Variants in UTS2B observed in about 807,000 individuals in gnomAD.
UTS2B encodes urotensin 2B.
A neutral mutation model predicts 19.2 loss-of-function variants in UTS2B; 21 were observed. That is an observed-to-expected ratio of 1.09 (90% CI 0.78 to 1.58). The LOEUF is 1.58. UTS2B is among the 40% of genes most tolerant of loss of function. The pLI is 0.00. For synonymous variants in UTS2B, 57 were observed against 50.2 expected (o/e 1.14, Z -0.58); for missense variants, 138 against 130.3 (o/e 1.06, Z -0.29).
At chr3:191,305,789 A>G (rs1220667309) in intron 3 of UTS2B, among the ~76,000 whole-genome samples, 1 of 152,006 alleles carries the variant, frequency 6.6e-6, no homozygotes. Flanking sequence ...GGGTTTTTAT[A>G]GTTTTGAGTT....
intron 4 of UTS2B, 56 bp from the exon 5 acceptor site, chr3:191,282,369 A>G (rs1308861031): frequency 1.7e-5 from 9 of 541,124 alleles, no homozygotes; most frequent in Non-Finnish European, 2.3e-5. Flanking sequence ...AATGCAATCA[A>G]GTAGTTAACA....
At chr3:191,273,339 A>C in intron 8 of UTS2B, 1 of 390,838 alleles carries the variant, frequency 2.6e-6, no homozygotes, top group Non-Finnish European at 5.2e-6. Context: ...ACTATGATAG[A>C]GGCAGTGCTC....
At chr3:191,307,812 T>A (rs1053275809) in intron 3 of UTS2B, among the ~76,000 whole-genome samples, 1 of 138,376 alleles carries the variant, frequency 7.2e-6, no homozygotes, top group Non-Finnish European at 1.6e-5. Flanking sequence ...TTCTTTTTTC[T>A]TTTCTTTTCT....
In UTS2B at chr3:191,267,322, G is replaced by A. The variant is rs1715960965; in HGVS notation, c.*1094C>T. 1 of 152,202 alleles carries A rather than the reference G, an allele frequency of 6.6e-6. No individual in the cohort carries two copies. The highest frequency in any genetic ancestry group is 1.5e-5 in the Non-Finnish European group (1 of 68,042). 9.4% of individuals were successfully genotyped at this position (152,202 alleles called of 1,614,324 possible). Reference sequence around the variant, plus strand: ...TTTTGATAGTGACATACCTTCAAAAGTGCAACTGATTAGTGATTATTCACA... The same window carrying A: ...TTTTGATAGTGACATACCTTCAAAAATGCAACTGATTAGTGATTATTCACA... On this transcript the variant is annotated 3_prime_UTR_variant, in exon 9 of 9. Coordinates refer to ENST00000340524, the MANE Select transcript of UTS2B (RefSeq NM_198152.5).
intron 1 of UTS2B, among the ~76,000 whole-genome samples, chr3:191,330,152 G>A (rs1717917798): frequency 6.6e-6 from 1 of 151,948 alleles, no homozygotes; most frequent in Non-Finnish European, 1.5e-5. Flanking sequence ...TTTGAAACAT[G>A]ACTCTTTCCC....
intron 1 of UTS2B, chr3:191,329,341 G>A: frequency 3.5e-6 from 1 of 287,802 alleles, no homozygotes; most frequent in East Asian, 7.0e-5. Context: ...CCCCCAGCCG[G>A]CCCGCCCGCC....
Position 191,329,734 on chromosome 3 carries a change from C to G in UTS2B, c.-665+680G>C, listed in dbSNP as rs1198232712. 3.7e-6 allele frequency: 6 copies of G among 1,608,112 alleles called. No individual in the cohort carries two copies. Among genetic ancestry groups the G allele is most frequent in the African/African-American group, 1.3e-5 (1 of 74,934 alleles). ...CTGGAGTCAAGGAAGGTAAGGGCCC[C>G]GGAGGGAGAGCGCGCGGGACCCTCC... On this transcript the variant is annotated intron_variant, in intron 1 of 8. Coordinates refer to ENST00000340524, the MANE Select transcript of UTS2B (RefSeq NM_198152.5).
intron 4 of UTS2B, among the ~76,000 whole-genome samples, chr3:191,293,651 T>A (rs1443520123): frequency 6.6e-6 from 1 of 152,010 alleles, no homozygotes; most frequent in African/African-American, 2.4e-5. Flanking sequence ...AGAAGAGCCA[T>A]GAGATATACA....
the UTS2B span, among the ~76,000 whole-genome samples, chr3:191,336,277 G>A: frequency 6.6e-6 from 1 of 152,018 alleles, no homozygotes; most frequent in Non-Finnish European, 1.5e-5. Context: ...ATTCCCACCA[G>A]CAATGTATGT....
intron 1 of UTS2B, 88 bp downstream of exon 1, chr3:191,330,326 C>CAG (rs58011669): frequency 2.7e-3 from 399 of 147,774 alleles, no homozygotes; most frequent in East Asian, 6.6e-3. Flanking sequence ...CACACACACA[C>CAG]ACAATAGTGA....
intron 8 of UTS2B, 76 bp downstream of exon 8, chr3:191,275,176 A>T: frequency 8.8e-7 from 1 of 1,140,182 alleles, no homozygotes; most frequent in Non-Finnish European, 1.3e-6. Flanking sequence ...TGCCAACTGA[A>T]TCTTCTTCCT....
chr3:191,344,715 A>T, the UTS2B span, among the ~76,000 whole-genome samples: 4 of 152,124 alleles, frequency 2.6e-5, no homozygotes, highest in African/African-American at 9.7e-5. Flanking sequence ...AGTAGCTGGG[A>T]CTACAGGCAC....
Position 191,275,324 on chromosome 3 carries a change from G to C in UTS2B, c.262C>G (p.Leu88Val). The part of the protein sequence containing the change: ...LNQLEKLKEQ[L>V]VEEKDSETSY... ...GTCTCAGAATCCTTCTCCTCCACTA[G>C]CTGTTCTTTTAGCTTTTCCAGCTGA... Residue 88 changes from leucine (L) to valine (V), a missense_variant, in exon 8 of 9, where the codon CTA becomes GTA. Transcript: ENST00000340524. 6.2e-7 allele frequency: 1 copy of C among 1,613,430 alleles called. No individual in the cohort carries two copies. The highest frequency in any genetic ancestry group is 2.2e-5 in the East Asian group (1 of 44,850).
chr3:191,325,591 G>A (rs1717725440), intron 2 of UTS2B, among the ~76,000 whole-genome samples: 1 of 152,236 alleles, frequency 6.6e-6, no homozygotes, highest in Non-Finnish European at 1.5e-5. Flanking sequence ...ACTTACATAT[G>A]TTATGAGAGT....
chr3:191,343,763 TC>T, the UTS2B span, among the ~76,000 whole-genome samples: 3 of 152,208 alleles, frequency 2.0e-5, no homozygotes, highest in Non-Finnish European at 4.4e-5. Context: ...TTAATCAGAA[TC>T]CAGGGTACTT....
intron 4 of UTS2B, among the ~76,000 whole-genome samples, chr3:191,291,419 T>A (rs368050006): frequency 1.3e-5 from 2 of 151,948 alleles, no homozygotes; most frequent in African/African-American, 4.8e-5. Context: ...TATCTAAGAG[T>A]TCTATAGTGA....
In UTS2B at chr3:191,267,293, A is replaced by G. The variant is rs1331939257; in HGVS notation, c.*1123T>C. 1 of 152,234 alleles carries G rather than the reference A, an allele frequency of 6.6e-6. No individual in the cohort carries two copies. The highest frequency in any genetic ancestry group is 1.9e-4 in the East Asian group (1 of 5,206). 9.4% of individuals were successfully genotyped at this position (152,234 alleles called of 1,614,324 possible). On this transcript the variant is annotated 3_prime_UTR_variant, in exon 9 of 9. Transcript: ENST00000340524. ...GCATTTTCAACTCTAGCTCTACAAA[A>G]CCATTTTGATAGTGACATACCTTCA...
At chr3:191,293,105 C>G (rs1716762556) in intron 4 of UTS2B, among the ~76,000 whole-genome samples, 1 of 151,796 alleles carries the variant, frequency 6.6e-6, no homozygotes, top group Non-Finnish European at 1.5e-5. Context: ...CAGGATAAAT[C>G]TTATTTGGTG....
At chr3:191,313,014 C>T (rs1717344556) in intron 3 of UTS2B, among the ~76,000 whole-genome samples, 1 of 142,670 alleles carries the variant, frequency 7.0e-6, no homozygotes, top group Admixed American at 7.1e-5. Flanking sequence ...AACTGTCAAA[C>T]AGGTTTTTTT....
Sources: allele counts gnomAD v4.1 joint callset (sites outside exome capture counted in the v4.1 genomes callset), GRCh38; gene constraint gnomAD v4.1.1; transcripts MANE v1.5; gene names NCBI Gene and HGNC (gene_info 2026-07-23, HGNC 2026-07-21).